HELZ: variants seen among roughly 807,000 people sequenced by gnomAD.
HELZ encodes helicase with zinc finger.
Under a neutral mutation model 218.2 loss-of-function variants are expected in HELZ, and 23 were observed. The ratio of observed to expected loss-of-function variants is 0.11; its 90% CI spans 0.08 to 0.15. The LOEUF (loss-of-function observed/expected upper bound fraction) is 0.15, where lower values mean the gene tolerates loss of function less well. Among genes scored for constraint, HELZ ranks in the 10% least tolerant of loss-of-function variants. The pLI, the probability that HELZ is intolerant of heterozygous loss-of-function variation, is 1.00. For missense variants in HELZ, 1,813 were observed against 2,353.7 expected (o/e 0.77, Z 4.75); for synonymous variants, 814 against 829.4 (o/e 0.98, Z 0.32).
intron 31 of HELZ, among the ~76,000 whole-genome samples, chr17:67,104,265 T>G (rs2037022520): frequency 6.6e-6 from 1 of 151,564 alleles, no homozygotes; most frequent in South Asian, 2.1e-4. Flanking sequence ...AAACCCCGTA[T>G]CTACTAAAAA....
intron 20 of HELZ, among the ~76,000 whole-genome samples, 158 bp downstream of exon 20, chr17:67,148,411 T>C (rs1186502022): frequency 2.0e-5 from 3 of 152,212 alleles, no homozygotes; most frequent in Admixed American, 2.0e-4. Context: ...CTTCTGAAGT[T>C]TTCTTTTAAA....
chr17:67,199,572 T>C (rs538873102), intron 7 of HELZ, among the ~76,000 whole-genome samples: 1 of 152,240 alleles, frequency 6.6e-6, no homozygotes, highest in East Asian at 1.9e-4. Context: ...ACCTAATACC[T>C]ATATATACAC....
Position 67,075,953 on chromosome 17 carries a change from A to G in HELZ, c.*2299T>C, listed in dbSNP as rs1399662586. On this transcript the variant is annotated 3_prime_UTR_variant, in exon 33 of 33. Transcript: ENST00000358691. ...GCTTCCATCATCAACATATTTATAT[A>G]AGGTGATGGGGTGCATACACGACCC... The G allele has an allele frequency of 6.6e-6, 1 of 152,660 alleles. No individual in the cohort carries two copies. Among genetic ancestry groups the G allele is most frequent in the African/African-American group, 2.4e-5 (1 of 41,458 alleles). 9.5% of individuals were successfully genotyped at this position (152,660 alleles called of 1,614,324 possible). A position where few individuals can be genotyped will look rare whatever the true frequency, so the allele number is the denominator to read the frequency against.
rs113233708 is a variant in HELZ, at chr17:67,114,927, G to A, written c.3839-524C>T. 6.3e-3 allele frequency among the ~76,000 whole-genome samples: 963 copies of A among 152,204 alleles called. 9 individuals carry two copies. The highest frequency in any genetic ancestry group is 0.022 in the African/African-American group (918 of 41,540). On this transcript the variant is annotated intron_variant, in intron 27 of 32. Coordinates refer to ENST00000358691, the MANE Select transcript of HELZ (RefSeq NM_014877.4). ...AAGTGGGTGATAAATAGTAGAGCAG[G>A]CAAAATTAAGGTTTTAAAAAAGCAC...
In HELZ at chr17:67,167,615, G is replaced by T. The variant is rs2089977561; in HGVS notation, c.1612C>A (p.Pro538Thr). The T allele has an allele frequency of 6.2e-7, 1 of 1,614,116 alleles. No homozygotes were observed. The highest frequency in any genetic ancestry group is 8.5e-7 in the Non-Finnish European group (1 of 1,180,020). Residue 538 changes from proline (P) to threonine (T), a missense_variant, in exon 14 of 33, where the codon CCA (proline) becomes ACA (threonine). Physicochemically the swap from Pro to Thr is conservative, Grantham distance 38. This residue lies in a region of HELZ where 714 missense variants were observed against 1,029.2 expected (regional missense o/e 0.69). Coordinates refer to ENST00000358691, the MANE Select transcript of HELZ (RefSeq NM_014877.4). ...MTKVNAVYLL[P>T]VPKQKLVQTQ... ...TGTACTAACTTCTGTTTAGGGACTG[G>T]TAATAAATAAACAGCATTGACTTTG...
At chr17:67,227,440 G>T (rs1358387341) in intron 3 of HELZ, among the ~76,000 whole-genome samples, 5 of 152,080 alleles carry the variant, frequency 3.3e-5, no homozygotes, top group Non-Finnish European at 1.5e-5. Context: ...GCCCACCTCG[G>T]CCTCCCAAAG....
rs751834562 is a variant in HELZ at position 67,178,808 on chromosome 17, G to T, written c.1281C>A (p.Ser427Arg). The stretch of plus-strand genomic sequence containing the variant: ...GGGGAATTTGGTATCTGATAAGAAG[G>T]CTCTTCTCCAAATCAGTAGTTTCAT... ...EPNETTDLEKSLLIRYQIPLS... is the reference protein window; with the variant it reads ...EPNETTDLEKRLLIRYQIPLS... The change falls in exon 13 of 33, where the codon AGC (serine) becomes AGA (arginine). Residue 427 changes from serine to arginine, a missense_variant. Transcript: ENST00000358691. 2 of 1,613,650 alleles carry T rather than the reference G, an allele frequency of 1.2e-6. No homozygotes were observed. Among genetic ancestry groups the T allele is most frequent in the Admixed American group, 1.7e-5 (1 of 59,990 alleles).
At chr17:67,151,324 G>T in intron 17 of HELZ, 100 bp from the exon 18 acceptor site, 3 of 967,354 alleles carry the variant, frequency 3.1e-6, no homozygotes, top group South Asian at 1.7e-5. Flanking sequence ...GGTAATATCT[G>T]AAAAGTTACA....
intron 32 of HELZ, among the ~76,000 whole-genome samples, chr17:67,085,466 C>T (rs892165361): frequency 1.3e-5 from 2 of 151,936 alleles, no homozygotes; most frequent in Admixed American, 6.6e-5. Context: ...CAAAATACAG[C>T]GGTTTACTCC....
intron 28 of HELZ, among the ~76,000 whole-genome samples, chr17:67,110,210 G>C (rs1199151773): frequency 1.3e-5 from 2 of 151,974 alleles, no homozygotes; most frequent in African/African-American, 4.8e-5. Context: ...TGGGATTACA[G>C]GCATGCACCA....
At chr17:67,115,840 G>T (rs964141517) in intron 27 of HELZ, among the ~76,000 whole-genome samples, 1 of 152,086 alleles carries the variant, frequency 6.6e-6, no homozygotes. Flanking sequence ...AAGAAAAATT[G>T]TATCAGCTGG....
chr17:67,214,885 C>T (rs1040552489), intron 5 of HELZ, among the ~76,000 whole-genome samples: 3 of 152,088 alleles, frequency 2.0e-5, no homozygotes, highest in Admixed American at 2.0e-4. Flanking sequence ...GTGGCTCATG[C>T]CTGTAATCCC....
chr17:67,116,704 CAGAACTT>C (rs1173677716), intron 27 of HELZ, among the ~76,000 whole-genome samples: 5 of 152,242 alleles, frequency 3.3e-5, no homozygotes, highest in African/African-American at 1.2e-4. Context: ...CAAGAACTCA[CAGAACTT>C]AGAAACCTGA....
rs2039150589 is a variant in HELZ, at chr17:67,166,547, C to T, written c.1826G>A (p.Arg609Lys). 3 of 1,612,700 alleles carry T rather than the reference C, an allele frequency of 1.9e-6. No individual in the cohort carries two copies. The Admixed American group carries it at 5.0e-5, about 27-fold the overall frequency. ...AAACAAAACCCCATTGTCCTTGATCCTGTCTAGTGCATAGTGCATTTCACA... is the reference window on the plus strand; with the variant it reads ...AAACAAAACCCCATTGTCCTTGATCTTGTCTAGTGCATAGTGCATTTCACA... Reference protein sequence around the residue: ...PLCEMHYALDRIKDNGVLFPD... With the variant: ...PLCEMHYALDKIKDNGVLFPD... Residue 609 changes from arginine (R) to lysine (K), a missense_variant, in exon 15 of 33, where the codon AGG becomes AAG. Physicochemically the swap from Arg to Lys is conservative, Grantham distance 26. Coordinates refer to ENST00000358691, the MANE Select transcript of HELZ (RefSeq NM_014877.4).
chr17:67,114,220 A>G, intron 28 of HELZ, 104 bp downstream of exon 28: 1 of 746,038 alleles, frequency 1.3e-6, no homozygotes, highest in Non-Finnish European at 2.4e-6. Context: ...ATAAACATAA[A>G]GGATAAGTGT....
intron 3 of HELZ, among the ~76,000 whole-genome samples, chr17:67,226,537 G>A (rs2040897813): frequency 1.3e-5 from 2 of 152,048 alleles, no homozygotes; most frequent in Admixed American, 1.3e-4. Flanking sequence ...CTCATACATG[G>A]CTAGTAGGAA....
chr17:67,174,976 T>C (rs960745404), intron 13 of HELZ, among the ~76,000 whole-genome samples: 2 of 152,200 alleles, frequency 1.3e-5, no homozygotes, highest in South Asian at 2.1e-4. Context: ...TGTCAATACA[T>C]GTCCAAGTCA....
chr17:67,102,394 C>G (rs2036957789), intron 31 of HELZ, among the ~76,000 whole-genome samples: 2 of 152,012 alleles, frequency 1.3e-5, no homozygotes, highest in African/African-American at 4.8e-5. Flanking sequence ...TCTGTGCTGG[C>G]CATGTATTTC....
At position 67,089,694 on chromosome 17, in the gene HELZ, G is replaced by GAGAGAGAGACAGAGAGACAGAGAGAC. The variant is rs776184027; in HGVS notation, c.5242-2614_5242-2613insGTCTCTCTGTCTCTCTGTCTCTCTCT. On this transcript the variant is annotated intron_variant, in intron 31 of 32. Coordinates refer to ENST00000358691, the MANE Select transcript of HELZ (RefSeq NM_014877.4). ...AGAGAGAGAGAGAGAGAGAGAGAGA[G>GAGAGAGAGACAGAGAGACAGAGAGAC]AGAGAGACAGAGAGACAGAGAGAGA... Among the ~76,000 whole-genome samples, 63 of 100,718 alleles carry GAGAGAGAGACAGAGAGACAGAGAGAC rather than the reference G, an allele frequency of 6.3e-4. 1 individual carries two copies. The highest frequency in any genetic ancestry group is 2.5e-3 in the African/African-American group (62 of 24,380). 66.1% of individuals were successfully genotyped at this position (100,718 alleles called of 152,430 possible).
Sources: gnomAD v4.1 joint callset for allele counts (sites outside exome capture counted in the v4.1 genomes callset) on GRCh38, gnomAD v4.1.1 for gene constraint, gnomAD v4.1.1 regional missense constraint, MANE v1.5 for transcripts, NCBI Gene and HGNC (gene_info 2026-07-23, HGNC 2026-07-21) for gene names.